The following BEGAIN variants were observed in gnomAD, a reference collection of about 807,000 sequenced individuals.
BEGAIN encodes brain enriched guanylate kinase associated, also known as brain-enriched guanylate kinase-associated protein.
A neutral mutation model predicts 35.8 loss-of-function variants in BEGAIN; 19 were observed. The observed-to-expected ratio is 0.53, with a 90% CI of 0.37 to 0.78. BEGAIN has a LOEUF of 0.78. BEGAIN is among the 30% of genes least tolerant of loss of function. The pLI is 0.00. For synonymous variants in BEGAIN, 462 were observed against 388.6 expected, an observed-to-expected ratio of 1.19 and a Z score of -2.22; for missense variants, 795 against 853.6, an observed-to-expected ratio of 0.93 and a Z score of 0.85.
chr14:100,583,481 C>T (rs1014086101), intron 1 of BEGAIN, among the ~76,000 whole-genome samples: 3 of 151,918 alleles, frequency 2.0e-5, no homozygotes, highest in Non-Finnish European at 4.4e-5. Context: ...TCAGAAGTCT[C>T]CCTCCCTCCA....
At chr14:100,546,958 GGA>G in intron 2 of BEGAIN, 1 of 282,730 alleles carries the variant, frequency 3.5e-6, no homozygotes, top group Non-Finnish European at 6.7e-6. Flanking sequence ...GGTGGCTGGA[GGA>G]GTCTTTGACC....
At position 100,570,771 on chromosome 14, in the gene BEGAIN, C is replaced by T. The variant is rs547435226; in HGVS notation, c.43-2832G>A. Among the ~76,000 whole-genome samples, 16 of 152,260 alleles carry T rather than the reference C, an allele frequency of 1.1e-4. 1 individual carries two copies. The highest frequency in any genetic ancestry group is 2.6e-4 in the African/African-American group (11 of 41,546). On this transcript the variant is annotated intron_variant, in intron 1 of 6. Transcript: ENST00000554140. ...AGGCTCCTGCACGGGCCCAGCACCC[C>T]GGGTGCAAGTTTTGATTCAGCCATT...
At chr14:100,575,997 C>T (rs2035193858) in intron 1 of BEGAIN, among the ~76,000 whole-genome samples, 2 of 152,148 alleles carry the variant, frequency 1.3e-5, no homozygotes, top group African/African-American at 4.8e-5. Context: ...CAGCTCACCA[C>T]CCCTGGAGGA....
chr14:100,586,938 C>T lies in BEGAIN; in HGVS notation c.42+311G>A, dbSNP rs535154857. On this transcript the variant is annotated intron_variant, in intron 1 of 6. Transcript: ENST00000554140. This position sits in a 1 kb window ranked among gnomAD's most constrained non-coding sequence, Gnocchi z 4.9. The stretch of plus-strand genomic sequence containing the variant: ...CCGGCCGCGCCCTTGGTCACCCGTC[C>T]CTCCTTTCCTTCCGCCGCAGGGGCG... Among the ~76,000 whole-genome samples the T allele has an allele frequency of 5.6e-3, 857 of 152,188 alleles. 3 individuals are homozygous for T. The highest frequency in any genetic ancestry group is 0.011 in the Non-Finnish European group (719 of 67,964).
In BEGAIN at chr14:100,568,437, ACACT is replaced by A. The variant is rs1039817564; in HGVS notation, c.43-502_43-499del. 77 of 1,283,084 alleles carry A rather than the reference ACACT, an allele frequency of 6.0e-5. No individual in the cohort carries two copies. The highest frequency in any genetic ancestry group is 2.6e-4 in the African/African-American group (17 of 65,560). 79.5% of individuals were successfully genotyped at this position (1,283,084 alleles called of 1,614,324 possible). A position where few individuals can be genotyped will look rare whatever the true frequency, so the allele number is the denominator to read the frequency against. ...GGGCCGTGCAGGATTGCAGAACCTG[ACACT>A]CACACAATCCGAGGGCGATGGCATT... On this transcript the variant is annotated intron_variant, in intron 1 of 6. Coordinates refer to ENST00000554140, the MANE Select transcript of BEGAIN (RefSeq NM_001385089.1). The surrounding 1 kb of genome is among the most constrained non-coding windows in gnomAD (Gnocchi z 7.5).
rs111315266 is a variant in BEGAIN, at chr14:100,576,464, C to T, written c.43-8525G>A. ...TCAATGCTCGGCGAGTATCACTCGGCGAGAGTCACCGTGCTCACCCGGAAT... is the reference window on the plus strand; with the variant it reads ...TCAATGCTCGGCGAGTATCACTCGGTGAGAGTCACCGTGCTCACCCGGAAT... On this transcript the variant is annotated intron_variant, in intron 1 of 6. Coordinates refer to ENST00000554140, the MANE Select transcript of BEGAIN (RefSeq NM_001385089.1). Among the ~76,000 whole-genome samples the T allele has an allele frequency of 9.7e-3, 1,472 of 152,290 alleles. 27 individuals are homozygous for T. Among genetic ancestry groups the T allele is most frequent in the African/African-American group, 0.034 (1,400 of 41,538 alleles).
chr14:100,540,612 C>T, intron 5 of BEGAIN, 33 bp from the exon 6 acceptor site: 1 of 1,538,924 alleles, frequency 6.5e-7, no homozygotes, highest in Non-Finnish European at 8.8e-7. Flanking sequence ...TGGCGCCATT[C>T]ACCCCAGCCA....
chr14:100,558,845 G>T lies in BEGAIN; in HGVS notation c.71+9066C>A, dbSNP rs764843914. Among the ~76,000 whole-genome samples the T allele has an allele frequency of 6.6e-6, 1 of 152,178 alleles. No individual in the cohort carries two copies. Among genetic ancestry groups the T allele is most frequent in the Non-Finnish European group, 1.5e-5 (1 of 68,030 alleles). ...AGCTACTCTCATCTGCTCTCAGCCCGAGACCTCCTTGAAACCAACGTCAGA... is the reference window on the plus strand; with the variant it reads ...AGCTACTCTCATCTGCTCTCAGCCCTAGACCTCCTTGAAACCAACGTCAGA... On this transcript the variant is annotated intron_variant, in intron 2 of 6. Coordinates refer to ENST00000554140, the MANE Select transcript of BEGAIN (RefSeq NM_001385089.1). This position sits in a 1 kb window ranked among gnomAD's most constrained non-coding sequence, Gnocchi z 4.6.
intron 2 of BEGAIN, among the ~76,000 whole-genome samples, chr14:100,560,034 G>T (rs767961895): frequency 1.3e-5 from 2 of 152,202 alleles, no homozygotes; most frequent in African/African-American, 4.8e-5. Flanking sequence ...CACCAGCCGC[G>T]GGGGGCTGAG....
rs753726540 is a variant in BEGAIN, at chr14:100,538,556, T to C, written c.1252A>G (p.Ser418Gly). The C allele has an allele frequency of 1.5e-5, 23 of 1,527,520 alleles. No individual in the cohort carries two copies. The East Asian group carries it at 5.2e-4, about 34-fold the overall frequency. 94.6% of individuals were successfully genotyped at this position (1,527,520 alleles called of 1,614,324 possible). A position where few individuals can be genotyped will look rare whatever the true frequency, so the allele number is the denominator to read the frequency against. Residue 418 changes from serine (S) to glycine (G), a missense_variant, in exon 7 of 7, where the codon AGC becomes GGC. This residue lies in a region of BEGAIN where 664 missense variants were observed against 647.7 expected (regional missense o/e 1.03). Coordinates refer to ENST00000554140, the MANE Select transcript of BEGAIN (RefSeq NM_001385089.1). ...GCGGTCCCCGGCTTGGCCCGCAGGC[T>C]CCACAGGTTTGGGGGCATCAGGGCC... Reference protein sequence around the residue: ...QQALMPPNLWSLRAKPGTARL... With the variant: ...QQALMPPNLWGLRAKPGTARL...
At chr14:100,580,027 G>A (rs545470949) in intron 1 of BEGAIN, among the ~76,000 whole-genome samples, 2 of 138,812 alleles carry the variant, frequency 1.4e-5, no homozygotes, top group Non-Finnish European at 3.2e-5. Flanking sequence ...AGACCAGGCC[G>A]GGTGCGGTGG....
In BEGAIN at chr14:100,555,713, C is replaced by T. The variant is rs117124501; in HGVS notation, c.72-9051G>A. 5.1e-4 allele frequency among the ~76,000 whole-genome samples: 77 copies of T among 152,334 alleles called. 2 individuals carry two copies. The East Asian group carries it at 0.014, about 28-fold the overall frequency. On this transcript the variant is annotated intron_variant, in intron 2 of 6. Coordinates refer to ENST00000554140, the MANE Select transcript of BEGAIN (RefSeq NM_001385089.1). ...TAGCCATCCTGGTGCGTGTCTCCCG[C>T]ACAGCGAGACAACTATGACGAGCTG...
chr14:100,570,497 C>T (rs545749486), intron 1 of BEGAIN, among the ~76,000 whole-genome samples: 3 of 149,462 alleles, frequency 2.0e-5, no homozygotes, highest in Non-Finnish European at 2.9e-5. Context: ...ATCCTCCATG[C>T]GGCCCTCTGT....
In BEGAIN at chr14:100,568,914, A is replaced by C; in HGVS notation, c.43-975T>G. ...CGCGACAGACCTGGGAAGACTGATGACTGCCCATCCCGGCCCCTCGCGCCG... is the reference window on the plus strand; with the variant it reads ...CGCGACAGACCTGGGAAGACTGATGCCTGCCCATCCCGGCCCCTCGCGCCG... On this transcript the variant is annotated intron_variant, in intron 1 of 6. Coordinates refer to ENST00000554140, the MANE Select transcript of BEGAIN (RefSeq NM_001385089.1). The surrounding 1 kb of genome is among the most constrained non-coding windows in gnomAD (Gnocchi z 7.5). 2.0e-6 allele frequency: 2 copies of C among 983,954 alleles called. No individual in the cohort carries two copies. Among genetic ancestry groups the C allele is most frequent in the Non-Finnish European group, 2.4e-6 (2 of 829,540 alleles). 61.0% of individuals were successfully genotyped at this position (983,954 alleles called of 1,614,324 possible).
chr14:100,550,040 AGT>A (rs962644841), intron 2 of BEGAIN, among the ~76,000 whole-genome samples: 16 of 152,134 alleles, frequency 1.1e-4, no homozygotes, highest in East Asian at 1.9e-4. Context: ...GCTAACCGGC[AGT>A]GTGTGTGCAC....
chr14:100,553,134 G>A (rs941841868), intron 2 of BEGAIN, among the ~76,000 whole-genome samples: 1 of 152,154 alleles, frequency 6.6e-6, no homozygotes, highest in Non-Finnish European at 1.5e-5. Context: ...CCAGGGAAGG[G>A]CTTGAAGGGG....
intron 2 of BEGAIN, among the ~76,000 whole-genome samples, chr14:100,556,830 T>A (rs746235367): frequency 2.6e-5 from 4 of 152,130 alleles, no homozygotes; most frequent in Non-Finnish European, 5.9e-5. Flanking sequence ...ACAGCTGGGT[T>A]TCTGACGAGG....
chr14:100,554,454 C>T (rs2033510192), intron 2 of BEGAIN, among the ~76,000 whole-genome samples: 1 of 152,142 alleles, frequency 6.6e-6, no homozygotes, highest in East Asian at 1.9e-4. Flanking sequence ...AATTGCTCCT[C>T]CTCCCTTCCA....
chr14:100,539,371 G>A, intron 6 of BEGAIN, 56 bp from the exon 7 acceptor site: 1 of 1,501,030 alleles, frequency 6.7e-7, no homozygotes, highest in Non-Finnish European at 8.8e-7. Context: ...TAGCATGGCA[G>A]CCCAGCCCTG....
Sources: gnomAD v4.1 joint callset for allele counts (sites outside exome capture counted in the v4.1 genomes callset) on GRCh38, gnomAD v4.1.1 for gene constraint, gnomAD v4.1.1 regional missense constraint, Gnocchi (gnomAD v3.1) non-coding constraint, MANE v1.5 for transcripts, NCBI Gene and HGNC (gene_info 2026-07-23, HGNC 2026-07-21) for gene names.